SLC1A7: variants seen among roughly 807,000 people sequenced by gnomAD.
SLC1A7 encodes excitatory amino acid transporter 5.
Under a neutral mutation model 47.7 loss-of-function variants are expected in SLC1A7, and 40 were observed. The ratio of observed to expected loss-of-function variants is 0.84; its 90% CI spans 0.65 to 1.09. The LOEUF is 1.09. Among genes scored for constraint, SLC1A7 ranks in the 50% least tolerant of loss-of-function variants. The pLI, the probability that SLC1A7 is intolerant of heterozygous loss-of-function variation, is 0.00. For synonymous variants in SLC1A7, 323 were observed against 325.6 expected (o/e 0.99, Z 0.09); for missense variants, 746 against 769.5 (o/e 0.97, Z 0.36).
At chr1:53,119,261 G>C (rs964430288) in intron 2 of SLC1A7, among the ~76,000 whole-genome samples, 2 of 152,142 alleles carry the variant, frequency 1.3e-5, no homozygotes, top group South Asian at 2.1e-4. Context: ...AACCTTGTGG[G>C]GTTCCCACTC....
intron 7 of SLC1A7, 47 bp downstream of exon 7, chr1:53,092,495 AGACGGACAGGGC>A (rs1644433159): frequency 8.0e-7 from 1 of 1,255,750 alleles, no homozygotes; most frequent in African/African-American, 1.5e-5. Flanking sequence ...ATGGCTGGAC[AGACGGACAGGGC>A]TCAGCCCCTC....
At chr1:53,138,693 T>G (rs1645025672) in intron 1 of SLC1A7, among the ~76,000 whole-genome samples, 1 of 152,110 alleles carries the variant, frequency 6.6e-6, no homozygotes, top group African/African-American at 2.4e-5. Context: ...ATATATAATA[T>G]TTGTACATAT....
At chr1:53,109,241 C>T (rs1483281962) in intron 3 of SLC1A7, among the ~76,000 whole-genome samples, 1 of 152,028 alleles carries the variant, frequency 6.6e-6, no homozygotes, top group African/African-American at 2.4e-5. Context: ...GGGAATTGTT[C>T]CTTCCCAAGC....
chr1:53,135,384 GT>G (rs1376707225), intron 1 of SLC1A7, among the ~76,000 whole-genome samples: 1 of 152,216 alleles, frequency 6.6e-6, no homozygotes, highest in Non-Finnish European at 1.5e-5. Context: ...TTCTCCATCT[GT>G]TTTGGGTCCA....
intron 2 of SLC1A7, among the ~76,000 whole-genome samples, chr1:53,117,886 G>A (rs1644778276): frequency 1.3e-5 from 2 of 152,268 alleles, no homozygotes; most frequent in African/African-American, 4.8e-5. Context: ...CTGGACAGGA[G>A]AGCACCCATG....
chr1:53,130,991 C>T (rs55747612), intron 2 of SLC1A7, among the ~76,000 whole-genome samples: 1 of 152,148 alleles, frequency 6.6e-6, no homozygotes, highest in Non-Finnish European at 1.5e-5. Context: ...TATCTCCCCC[C>T]TGAAGGTTTA....
intron 4 of SLC1A7, among the ~76,000 whole-genome samples, chr1:53,104,280 A>G (rs2150325690): frequency 6.6e-6 from 1 of 152,270 alleles, no homozygotes. Context: ...AAATGAGACG[A>G]TGTATATAAA....
chr1:53,093,617 T>C, intron 5 of SLC1A7, 57 bp from the exon 6 acceptor site: 1 of 1,388,654 alleles, frequency 7.2e-7, no homozygotes, highest in South Asian at 1.3e-5. Context: ...CAGGCCCACA[T>C]GGGTCTCAGC....
chr1:53,101,263 C>T (rs1032617065), intron 5 of SLC1A7, among the ~76,000 whole-genome samples: 18 of 137,400 alleles, frequency 1.3e-4, no homozygotes, highest in Admixed American at 2.2e-4. Flanking sequence ...ACTCACACAC[C>T]CCACCTCGGT....
intron 3 of SLC1A7, among the ~76,000 whole-genome samples, chr1:53,114,179 A>G (rs531626348): frequency 6.6e-6 from 1 of 152,176 alleles, no homozygotes; most frequent in East Asian, 1.9e-4. Flanking sequence ...GGGGAAAGGG[A>G]GTGGAAGGTG....
intron 2 of SLC1A7, 141 bp from the exon 3 acceptor site, chr1:53,115,114 G>A (rs1269643740): frequency 4.5e-6 from 3 of 667,518 alleles, no homozygotes; most frequent in Non-Finnish European, 7.9e-6. Context: ...ATCCAGTCCT[G>A]TGCTCCTTCC....
At chr1:53,136,652 T>TTATATATA (rs1272644359) in intron 1 of SLC1A7, among the ~76,000 whole-genome samples, 1 of 42,050 alleles carries the variant, frequency 2.4e-5, no homozygotes, top group African/African-American at 1.0e-4. Flanking sequence ...CATATATATA[T>TTATATATA]TATATATATA....
At chr1:53,106,712 CTTGATAAAAGTT>C (rs753466812) in intron 3 of SLC1A7, among the ~76,000 whole-genome samples, 1 of 152,168 alleles carries the variant, frequency 6.6e-6, no homozygotes, top group African/African-American at 2.4e-5. Flanking sequence ...GTGTTTCGTA[CTTGATAAAAGTT>C]GTTTCACAAA....
chr1:53,125,588 G>A (rs578138212), intron 2 of SLC1A7, among the ~76,000 whole-genome samples: 24 of 152,294 alleles, frequency 1.6e-4, no homozygotes, highest in African/African-American at 5.3e-4. Context: ...CCAGTAGGAG[G>A]GAAAAGGGAA....
chr1:53,113,184 G>A (rs1259256688), intron 3 of SLC1A7, among the ~76,000 whole-genome samples: 2 of 152,146 alleles, frequency 1.3e-5, no homozygotes, highest in Non-Finnish European at 2.9e-5. Flanking sequence ...GTACTAGAAG[G>A]TGTTCCCTGA....
chr1:53,123,184 G>C (rs548395209), intron 2 of SLC1A7, among the ~76,000 whole-genome samples: 1 of 152,062 alleles, frequency 6.6e-6, no homozygotes, highest in Non-Finnish European at 1.5e-5. Context: ...AGGCAGTCAG[G>C]GCCAGGTCCA....
chr1:53,100,174 A>G (rs58542131), intron 5 of SLC1A7, among the ~76,000 whole-genome samples: 30,683 of 145,678 alleles, frequency 0.21, 3,256 homozygotes, highest in Middle Eastern at 0.31. Flanking sequence ...ACACCACCTC[A>G]GTACATTCAC....
In SLC1A7 at chr1:53,142,394, A is replaced by G; in HGVS notation, c.56T>C (p.Leu19Pro). 6.2e-7 allele frequency: 1 copy of G among 1,609,024 alleles called. No individual in the cohort carries two copies. Among genetic ancestry groups the G allele is most frequent in the Non-Finnish European group, 8.5e-7 (1 of 1,177,862 alleles). Reference protein sequence around the residue: ...RGRDVCRRNGLLILSVLSVIV... With the variant: ...RGRDVCRRNGPLILSVLSVIV... ...GACAGACAGCACAGACAGGATGAGG[A>G]GTCCATTCCGCCTGCACACGTCCCT... The change falls in exon 1 of 11, where the codon CTC (leucine) becomes CCC (proline). Residue 19 changes from leucine to proline, a missense_variant. By Grantham distance (98) the Leu-to-Pro change is moderately conservative. Transcript: ENST00000371494.
intron 2 of SLC1A7, among the ~76,000 whole-genome samples, chr1:53,133,603 C>G (rs955575377): frequency 9.2e-5 from 14 of 152,122 alleles, no homozygotes; most frequent in Admixed American, 9.2e-4. Context: ...CCTGGAGCAG[C>G]CACTCATTAT....
Sources: gnomAD v4.1 joint callset for allele counts (sites outside exome capture counted in the v4.1 genomes callset) on GRCh38, gnomAD v4.1.1 for gene constraint, MANE v1.5 for transcripts, NCBI Gene and HGNC (gene_info 2026-07-23, HGNC 2026-07-21) for gene names.